CNTLN: variants seen among roughly 807,000 people sequenced by gnomAD.
CNTLN encodes the protein centlein.
CNTLN carries 212 observed loss-of-function variants against 180.0 expected under a neutral mutation model. The observed-to-expected ratio is 1.18, with a 90% CI of 1.05 to 1.32. The LOEUF (loss-of-function observed/expected upper bound fraction) is 1.32. CNTLN is among the 40% of genes most tolerant of loss of function. The pLI is 0.00. For synonymous variants in CNTLN, 722 were observed against 563.1 expected (o/e 1.28, Z -3.99); for missense variants, 2,095 against 1,610.9 (o/e 1.30, Z -5.14).
intron 2 of CNTLN, among the ~76,000 whole-genome samples, chr9:17,195,674 C>T (rs79578991): frequency 0.027 from 4,039 of 152,044 alleles, 73 homozygotes; most frequent in South Asian, 0.07. Context: ...GAGAGAGAAT[C>T]GGGAAGGAAA....
At position 17,394,678 on chromosome 9, in the gene CNTLN, G is replaced by C. The variant is rs369345129; in HGVS notation, c.2224G>C (p.Glu742Gln). 21 of 1,613,592 alleles carry C rather than the reference G, an allele frequency of 1.3e-5. No homozygotes were observed. The highest frequency in any genetic ancestry group is 1.8e-5 in the Non-Finnish European group (21 of 1,179,778). ...QQEDTETREK[E>Q]LEQIIKGSKD... The stretch of plus-strand genomic sequence containing the variant: ...AGAAGATACAGAGACCAGAGAAAAA[G>C]AGCTAGAACAGATAATAAAGGGGAG... Residue 742 changes from glutamate (E) to glutamine (Q), a missense_variant, in exon 15 of 26, where the codon GAG (glutamate) becomes CAG (glutamine). Transcript: ENST00000380647.
At chr9:17,493,328 A>G (rs993095008) in intron 25 of CNTLN, among the ~76,000 whole-genome samples, 1 of 152,166 alleles carries the variant, frequency 6.6e-6, no homozygotes, top group Non-Finnish European at 1.5e-5. Flanking sequence ...TTCCATTATG[A>G]TTTCCAAAAT....
chr9:17,425,545 T>C (rs1168653933), intron 18 of CNTLN, among the ~76,000 whole-genome samples: 1 of 152,154 alleles, frequency 6.6e-6, no homozygotes, highest in Non-Finnish European at 1.5e-5. Flanking sequence ...CTAATAGATT[T>C]TGGTGCCAAG....
intron 5 of CNTLN, among the ~76,000 whole-genome samples, chr9:17,256,359 A>G (rs1420630171): frequency 6.6e-6 from 1 of 152,014 alleles, no homozygotes; most frequent in African/African-American, 2.4e-5. Flanking sequence ...CAGTGACTGA[A>G]CTAATTTTCA....
At chr9:17,340,173 G>A (rs1296046347) in intron 10 of CNTLN, among the ~76,000 whole-genome samples, 1 of 151,998 alleles carries the variant, frequency 6.6e-6, no homozygotes, top group African/African-American at 2.4e-5. Flanking sequence ...TAAAAAAGAA[G>A]TAGTTGACTA....
At chr9:17,504,560 G>C (rs187860582), downstream of CNTLN, among the ~76,000 whole-genome samples, 1 of 152,136 alleles carries the variant, frequency 6.6e-6, no homozygotes, top group Non-Finnish European at 1.5e-5. Flanking sequence ...TTGCAAATAT[G>C]ATTAAGTCAA....
chr9:17,144,505 T>G (rs944037457), intron 2 of CNTLN, among the ~76,000 whole-genome samples: 3 of 152,156 alleles, frequency 2.0e-5, no homozygotes, highest in Admixed American at 2.0e-4. Flanking sequence ...CTTTTATTTG[T>G]TATTTTTTAA....
At chr9:17,334,543 C>T (rs535020300) in intron 10 of CNTLN, among the ~76,000 whole-genome samples, 1 of 152,152 alleles carries the variant, frequency 6.6e-6, no homozygotes, top group East Asian at 1.9e-4. Context: ...AATGGAGGCT[C>T]AGAAGTATAA....
At chr9:17,223,107 G>C (rs756692017) in intron 2 of CNTLN, among the ~76,000 whole-genome samples, 1 of 152,106 alleles carries the variant, frequency 6.6e-6, no homozygotes, top group Non-Finnish European at 1.5e-5. Flanking sequence ...TTTATAGCAT[G>C]GATACTTTCG....
chr9:17,407,906 A>T (rs1441619580), intron 15 of CNTLN, among the ~76,000 whole-genome samples: 1 of 151,938 alleles, frequency 6.6e-6, no homozygotes, highest in African/African-American at 2.4e-5. Context: ...TAGGTGGATT[A>T]CCTGAGGTCA....
intron 25 of CNTLN, among the ~76,000 whole-genome samples, chr9:17,496,487 C>G (rs1833464254): frequency 1.3e-5 from 2 of 152,172 alleles, no homozygotes; most frequent in African/African-American, 4.8e-5. Context: ...TGCTTCCATC[C>G]TCATGACCTA....
chr9:17,354,805 T>C (rs1292966418), intron 12 of CNTLN, among the ~76,000 whole-genome samples: 3 of 152,022 alleles, frequency 2.0e-5, no homozygotes, highest in African/African-American at 4.8e-5. Context: ...CTGTGGAAGC[T>C]TTGTTCTTTC....
intron 13 of CNTLN, among the ~76,000 whole-genome samples, chr9:17,379,856 G>C (rs185122214): frequency 6.6e-6 from 1 of 152,094 alleles, no homozygotes; most frequent in Admixed American, 6.6e-5. Context: ...AATGAATTCA[G>C]TCTCCTCTAG....
chr9:17,226,150 T>G, intron 2 of CNTLN, 53 bp from the exon 3 acceptor site: 1 of 913,206 alleles, frequency 1.1e-6, no homozygotes. Context: ...TATGAAAATT[T>G]AAAGTATTAG....
chr9:17,335,277 G>A (rs2133153164), intron 10 of CNTLN, among the ~76,000 whole-genome samples: 1 of 152,326 alleles, frequency 6.6e-6, no homozygotes, highest in Admixed American at 6.5e-5. Context: ...CCAGCACTTT[G>A]GGAGGCCAAG....
At chr9:17,174,065 A>G (rs1017730382) in intron 2 of CNTLN, among the ~76,000 whole-genome samples, 3 of 152,216 alleles carry the variant, frequency 2.0e-5, no homozygotes, top group African/African-American at 7.2e-5. Context: ...TATCATTTCT[A>G]AAATGTTGTA....
At chr9:17,420,981 A>T (rs991629691) in intron 18 of CNTLN, among the ~76,000 whole-genome samples, 1 of 152,160 alleles carries the variant, frequency 6.6e-6, no homozygotes, top group Non-Finnish European at 1.5e-5. Context: ...GGCCTAACAT[A>T]TGGTCTATTC....
At chr9:17,278,898 G>C (rs1249276646) in intron 6 of CNTLN, among the ~76,000 whole-genome samples, 2 of 151,744 alleles carry the variant, frequency 1.3e-5, no homozygotes, top group Non-Finnish European at 2.9e-5. Flanking sequence ...TAAATAAAAG[G>C]GACTATATTG....
the CNTLN span, among the ~76,000 whole-genome samples, chr9:17,514,846 A>G: frequency 0.98 from 148,643 of 152,286 alleles, 72,561 homozygotes; most frequent in Middle Eastern, 1. Flanking sequence ...AGCTCCTCTG[A>G]ACCATGTGCC....
Sources: gnomAD v4.1 joint callset for allele counts (sites outside exome capture counted in the v4.1 genomes callset) on GRCh38, gnomAD v4.1.1 for gene constraint, MANE v1.5 for transcripts, NCBI Gene and HGNC (gene_info 2026-07-23, HGNC 2026-07-21) for gene names.